P3H2: variants seen among roughly 807,000 people sequenced by gnomAD.
P3H2 encodes the protein leprecan-like 1.
In P3H2, 80 loss-of-function variants were observed where a neutral mutation model predicts 87.0. The observed-to-expected ratio is 0.92, with a 90% CI of 0.77 to 1.11. The LOEUF (loss-of-function observed/expected upper bound fraction) is 1.11, where lower values mean the gene tolerates loss of function less well. P3H2 is among the 50% of genes least tolerant of loss of function. The probability of loss-of-function intolerance (pLI) is 0.00; values close to 1 mark genes in which losing one functional copy is unlikely to be tolerated. For missense variants in P3H2, 1,001 were observed against 923.9 expected (o/e 1.08, Z -1.08); for synonymous variants, 367 against 359.3 (o/e 1.02, Z -0.24).
chr3:189,970,963 C>T, intron 12 of P3H2, 72 bp from the exon 13 acceptor site: 1 of 867,148 alleles, frequency 1.2e-6, no homozygotes, highest in Non-Finnish European at 2.0e-6. Flanking sequence ...ATACTGAAGA[C>T]TGGTGATGTA....
intron 1 of P3H2, among the ~76,000 whole-genome samples, chr3:190,051,675 T>C (rs1054243853): frequency 4.6e-5 from 7 of 152,260 alleles, no homozygotes; most frequent in Admixed American, 4.6e-4. Context: ...AATACTTGTT[T>C]GTCATTTTTA....
At chr3:190,023,655 A>G (rs939266879) in intron 1 of P3H2, among the ~76,000 whole-genome samples, 1 of 152,180 alleles carries the variant, frequency 6.6e-6, no homozygotes, top group Non-Finnish European at 1.5e-5. Flanking sequence ...AGAATTCAAG[A>G]GGAGTTTTGG....
intron 1 of P3H2, among the ~76,000 whole-genome samples, chr3:190,079,596 C>T (rs559053480): frequency 6.6e-6 from 1 of 152,154 alleles, no homozygotes; most frequent in South Asian, 2.1e-4. Flanking sequence ...ATTGAAAGTC[C>T]ACTAATGTCC....
In P3H2 at chr3:189,994,301, G is replaced by C. The variant is rs1719598; in HGVS notation, c.634-18C>G. On this transcript the variant is annotated intron_variant, in intron 2 of 14. Transcript: ENST00000319332. ...TAACTCTCCTGTAATGAAACAGACG[G>C]GAAAAAACAAACAAACAAACAAACA... 1 of 1,565,238 alleles carries C rather than the reference G, an allele frequency of 6.4e-7. No homozygotes were observed. Among genetic ancestry groups the C allele is most frequent in the East Asian group, 2.2e-5 (1 of 44,568 alleles).
At chr3:190,010,706 T>A (rs1724559632) in intron 1 of P3H2, among the ~76,000 whole-genome samples, 1 of 152,196 alleles carries the variant, frequency 6.6e-6, no homozygotes, top group Non-Finnish European at 1.5e-5. Context: ...ACCTACCCAG[T>A]CTGTGGTTTT....
At chr3:190,121,862 C>T (rs143627221), upstream of P3H2, among the ~76,000 whole-genome samples, 114 of 152,142 alleles carry the variant, frequency 7.5e-4, no homozygotes, top group African/African-American at 2.6e-3. Flanking sequence ...GAGGCCAAGG[C>T]GGGTGGATCA....
rs146119858 is a variant in P3H2, at chr3:189,983,128, T to A, written c.1242A>T (p.Gly414=). 1.2e-6 allele frequency: 2 copies of A among 1,613,520 alleles called. No homozygotes were observed. The highest frequency in any genetic ancestry group is 1.7e-6 in the Non-Finnish European group (2 of 1,179,618). ...GAACTTCTGCTCCCTCTACGTTCAC[T>A]CCTGAAGGGACCCTGCCCATTCAAA... is the stretch of plus-strand genomic sequence containing the variant. The part of the protein sequence containing the change: ...GRQDENRVPS[G]VNVEGAEVHG... Residue 414 remains glycine (G), a synonymous_variant, in exon 8 of 15, where the codon GGA becomes GGT. Coordinates refer to ENST00000319332, the MANE Select transcript of P3H2 (RefSeq NM_018192.4).
chr3:190,050,496 A>G (rs1381324069), intron 1 of P3H2, among the ~76,000 whole-genome samples: 1 of 152,214 alleles, frequency 6.6e-6, no homozygotes, highest in Non-Finnish European at 1.5e-5. Flanking sequence ...CTATAGATGC[A>G]GACTTAGATG....
intron 4 of P3H2, 62 bp from the exon 5 acceptor site, chr3:189,987,731 G>C: frequency 6.2e-7 from 1 of 1,605,144 alleles, no homozygotes; most frequent in East Asian, 2.2e-5. Context: ...GATTTTAAAG[G>C]GAGGCCATCA....
intron 1 of P3H2, among the ~76,000 whole-genome samples, chr3:190,054,331 G>C (rs1726083010): frequency 2.0e-5 from 3 of 152,128 alleles, no homozygotes; most frequent in Non-Finnish European, 4.4e-5. Context: ...GGTCTCTGAG[G>C]ATCTGGTGAA....
intron 1 of P3H2, among the ~76,000 whole-genome samples, chr3:190,054,322 G>T (rs1726082748): frequency 6.6e-6 from 1 of 152,110 alleles, no homozygotes; most frequent in Non-Finnish European, 1.5e-5. Flanking sequence ...AACTAGCCTG[G>T]TCTCTGAGGA....
At chr3:190,023,037 A>G (rs940210302) in intron 1 of P3H2, among the ~76,000 whole-genome samples, 8 of 151,612 alleles carry the variant, frequency 5.3e-5, no homozygotes, top group East Asian at 1.9e-4. Flanking sequence ...CGTGTTAGCC[A>G]GGATGGTCTC....
At chr3:190,077,668 AG>A (rs1414600708) in intron 1 of P3H2, among the ~76,000 whole-genome samples, 1 of 152,246 alleles carries the variant, frequency 6.6e-6, no homozygotes, top group Non-Finnish European at 1.5e-5. Context: ...GAGACTCAAA[AG>A]ATACAATGAA....
chr3:190,001,685 A>G (rs1724221139), intron 1 of P3H2, among the ~76,000 whole-genome samples: 1 of 152,242 alleles, frequency 6.6e-6, no homozygotes, highest in Non-Finnish European at 1.5e-5. Flanking sequence ...ATCAAATTAC[A>G]GCATGTATAT....
intron 13 of P3H2, among the ~76,000 whole-genome samples, chr3:189,967,100 T>C (rs919432142): frequency 6.6e-6 from 1 of 152,114 alleles, no homozygotes; most frequent in Non-Finnish European, 1.5e-5. Flanking sequence ...GGTACTAGAA[T>C]AAACTTCCTG....
At chr3:190,073,533 T>A (rs1483584576) in intron 1 of P3H2, among the ~76,000 whole-genome samples, 1 of 152,126 alleles carries the variant, frequency 6.6e-6, no homozygotes, top group African/African-American at 2.4e-5. Context: ...CTAGAGTACA[T>A]CCTGTCATTT....
At chr3:190,025,179 C>CA (rs1553876464) in intron 1 of P3H2, among the ~76,000 whole-genome samples, 3 of 149,952 alleles carry the variant, frequency 2.0e-5, no homozygotes, top group Non-Finnish European at 4.5e-5. Context: ...ACTAGTAGAA[C>CA]TTTTTTTTTT....
chr3:189,974,466 G>C, intron 9 of P3H2, 92 bp downstream of exon 9: 1 of 1,530,872 alleles, frequency 6.5e-7, no homozygotes, highest in Non-Finnish European at 9.0e-7. Flanking sequence ...TTCAGGGCTT[G>C]TTGTCTGGCT....
At chr3:190,087,895 A>G (rs1727280287) in intron 1 of P3H2, among the ~76,000 whole-genome samples, 1 of 152,236 alleles carries the variant, frequency 6.6e-6, no homozygotes, top group Non-Finnish European at 1.5e-5. Context: ...AAGATGCCTT[A>G]TTATATATCA....
Sources: allele counts gnomAD v4.1 joint callset (sites outside exome capture counted in the v4.1 genomes callset), GRCh38; gene constraint gnomAD v4.1.1; transcripts MANE v1.5; gene names NCBI Gene and HGNC (gene_info 2026-07-23, HGNC 2026-07-21).